Variants in PIBF1 observed in about 807,000 individuals in gnomAD.
PIBF1 encodes the protein progesterone-induced-blocking factor 1.
A neutral mutation model predicts 112.5 loss-of-function variants in PIBF1; 90 were observed. That is an observed-to-expected ratio of 0.80 (90% CI 0.67 to 0.95). The LOEUF is 0.95. PIBF1 is among the 40% of genes least tolerant of loss of function. The pLI, the probability that PIBF1 is intolerant of heterozygous loss-of-function variation, is 0.00. For synonymous variants in PIBF1, 301 were observed against 288.6 expected, an observed-to-expected ratio of 1.04 and a Z score of -0.44; for missense variants, 915 against 852.3, an observed-to-expected ratio of 1.07 and a Z score of -0.92.
chr13:72,784,395 AC>A (rs2034479938), intron 2 of PIBF1, among the ~76,000 whole-genome samples: 1 of 151,916 alleles, frequency 6.6e-6, no homozygotes, highest in Non-Finnish European at 1.5e-5. Context: ...GCAGTGAGCC[AC>A]AATCGTGCCA....
At chr13:72,840,409 T>A (rs752310491) in intron 9 of PIBF1, among the ~76,000 whole-genome samples, 2 of 152,292 alleles carry the variant, frequency 1.3e-5, no homozygotes, top group South Asian at 4.1e-4. Flanking sequence ...CTGAGATGTG[T>A]AATTATGTTA....
intron 3 of PIBF1, 116 bp downstream of exon 3, chr13:72,792,663 T>C: frequency 3.5e-6 from 2 of 575,874 alleles, no homozygotes; most frequent in South Asian, 5.0e-5. Context: ...AAGTCAGAGA[T>C]AGCAATAATT....
chr13:72,898,583 T>A (rs187178318), intron 11 of PIBF1, among the ~76,000 whole-genome samples: 38 of 151,578 alleles, frequency 2.5e-4, no homozygotes, highest in Non-Finnish European at 1.6e-4. Flanking sequence ...ACGCCTGTAA[T>A]CCCAGCACTT....
chr13:72,928,016 C>T (rs9600042), intron 13 of PIBF1, among the ~76,000 whole-genome samples: 31 of 53,954 alleles, frequency 5.7e-4, no homozygotes, highest in African/African-American at 1.7e-3. Context: ...CATATATATA[C>T]ATATATATAC....
chr13:72,925,306 G>A (rs1339181922), intron 13 of PIBF1, among the ~76,000 whole-genome samples: 1 of 152,104 alleles, frequency 6.6e-6, no homozygotes. Flanking sequence ...TCCAAAGATT[G>A]ACAATGCTCA....
At position 72,827,801 on chromosome 13, in the gene PIBF1, G is replaced by A. The variant is rs2036891082; in HGVS notation, c.984G>A (p.Met328Ile). 6.2e-7 allele frequency: 1 copy of A among 1,604,196 alleles called. No homozygotes were observed. The highest frequency in any genetic ancestry group is 8.5e-7 in the Non-Finnish European group (1 of 1,175,504). ...AAGAATATCTTAATCGCCAAAACAT[G>A]GAGCTTAGTGTTCGCTGTGCTCATG... ...KDKEYLNRQN[M>I]ELSVRCAHEE... Residue 328 changes from methionine (M) to isoleucine (I), a missense_variant, in exon 8 of 18, where the codon ATG (methionine) becomes ATA (isoleucine). Met to Ile is a conservative substitution (Grantham distance 10). Coordinates refer to ENST00000326291, the MANE Select transcript of PIBF1 (RefSeq NM_006346.4).
intron 10 of PIBF1, among the ~76,000 whole-genome samples, chr13:72,886,187 A>G (rs2039844829): frequency 6.6e-6 from 1 of 152,052 alleles, no homozygotes; most frequent in East Asian, 1.9e-4. Context: ...GCATCCCCCT[A>G]AAAGTGCTTT....
At chr13:72,840,584 C>T (rs924273043) in intron 9 of PIBF1, among the ~76,000 whole-genome samples, 30 of 147,384 alleles carry the variant, frequency 2.0e-4, no homozygotes, top group African/African-American at 6.3e-4. Flanking sequence ...AGTGCAGTGG[C>T]GTGATCTCAG....
intron 10 of PIBF1, among the ~76,000 whole-genome samples, chr13:72,886,259 A>G (rs2039848076): frequency 7.5e-6 from 1 of 133,044 alleles, no homozygotes; most frequent in Non-Finnish European, 1.7e-5. Flanking sequence ...GTGTAGATCA[A>G]CACTGAGATA....
At chr13:72,821,157 G>T (rs1489333403) in intron 5 of PIBF1, among the ~76,000 whole-genome samples, 1 of 152,178 alleles carries the variant, frequency 6.6e-6, no homozygotes, top group East Asian at 1.9e-4. Flanking sequence ...CTCCATTAGG[G>T]TTGGAGGGTG....
intron 16 of PIBF1, among the ~76,000 whole-genome samples, chr13:72,994,123 GAAAAA>G (rs55880175): frequency 6.7e-6 from 1 of 149,968 alleles, no homozygotes; most frequent in Non-Finnish European, 1.5e-5. Flanking sequence ...AAAAAAAAAA[GAAAAA>G]AAAAGGGAGA....
intron 14 of PIBF1, among the ~76,000 whole-genome samples, chr13:72,959,025 G>A (rs2138886077): frequency 6.6e-6 from 1 of 152,218 alleles, no homozygotes; most frequent in Admixed American, 6.5e-5. Context: ...TTGAGACAGA[G>A]TCTTCCTCTG....
intron 5 of PIBF1, among the ~76,000 whole-genome samples, chr13:72,806,069 A>G (rs1238435774): frequency 6.6e-6 from 1 of 152,254 alleles, no homozygotes; most frequent in African/African-American, 2.4e-5. Context: ...ATTACAGTGA[A>G]TAACATAACA....
At position 72,843,656 on chromosome 13, in the gene PIBF1, C is replaced by T. The variant is rs140416682; in HGVS notation, c.1223+8288C>T. Among the ~76,000 whole-genome samples the T allele has an allele frequency of 8.5e-3, 1,293 of 152,308 alleles. 64 individuals carry two copies. Among genetic ancestry groups the T allele is most frequent in the East Asian group, 9.7e-3 (50 of 5,178 alleles). ...GGAACTCCTGACCTCAGGTGATCTA[C>T]CCACCTCGGCCTCCCAAAGTGCTGG... On this transcript the variant is annotated intron_variant, in intron 9 of 17. Transcript: ENST00000326291.
At chr13:72,894,758 TTA>T (rs201574463) in intron 11 of PIBF1, among the ~76,000 whole-genome samples, 19 of 133,610 alleles carry the variant, frequency 1.4e-4, no homozygotes, top group Admixed American at 2.5e-4. Context: ...AATATATATA[TTA>T]TATATATATA....
Position 72,854,089 on chromosome 13 carries a change from C to T in PIBF1, c.1256C>T (p.Ala419Val). ...CGAGAAGCAAGGGATAATGCTGTGGCTGAAAAGGAACGAGCAGTGATGGCT... is the reference window on the plus strand; with the variant it reads ...CGAGAAGCAAGGGATAATGCTGTGGTTGAAAAGGAACGAGCAGTGATGGCT... Reference protein sequence around the residue: ...NLREARDNAVAEKERAVMAEK... With the variant: ...NLREARDNAVVEKERAVMAEK... Residue 419 changes from alanine (A) to valine (V), a missense_variant, in exon 10 of 18, where the codon GCT (alanine) becomes GTT (valine). Transcript: ENST00000326291. 2 of 1,612,964 alleles carry T rather than the reference C, an allele frequency of 1.2e-6. No individual in the cohort carries two copies. The highest frequency in any genetic ancestry group is 1.7e-6 in the Non-Finnish European group (2 of 1,179,226).
At chr13:72,849,255 CAT>C (rs945530385) in intron 9 of PIBF1, among the ~76,000 whole-genome samples, 6 of 152,174 alleles carry the variant, frequency 3.9e-5, no homozygotes, top group African/African-American at 1.2e-4. Context: ...TTAAGGATGA[CAT>C]ATTCAGATTT....
intron 10 of PIBF1, among the ~76,000 whole-genome samples, chr13:72,876,588 C>A (rs1485285382): frequency 1.3e-5 from 2 of 152,066 alleles, no homozygotes; most frequent in Non-Finnish European, 2.9e-5. Flanking sequence ...TTACATTATT[C>A]TTTGATTGTC....
intron 15 of PIBF1, chr13:72,969,484 C>T (rs2042834705): frequency 6.6e-6 from 1 of 152,154 alleles, no homozygotes; most frequent in South Asian, 2.1e-4. Flanking sequence ...CAACTACCTT[C>T]TAAAGTGAAA....
Sources: allele counts gnomAD v4.1 joint callset (sites outside exome capture counted in the v4.1 genomes callset), GRCh38; gene constraint gnomAD v4.1.1; transcripts MANE v1.5; gene names NCBI Gene and HGNC (gene_info 2026-07-23, HGNC 2026-07-21).